Variants in EYA2 observed in about 807,000 individuals in gnomAD.
The protein encoded by EYA2 is protein phosphatase EYA2.
In EYA2, 31 loss-of-function variants were observed where a neutral mutation model predicts 69.2. That is an observed-to-expected ratio of 0.45 (90% CI 0.34 to 0.60). The LOEUF (loss-of-function observed/expected upper bound fraction) is 0.60. EYA2 is among the 20% of genes least tolerant of loss of function. The probability of loss-of-function intolerance (pLI) is 0.02; values close to 1 mark genes in which losing one functional copy is unlikely to be tolerated. For missense variants in EYA2, 622 were observed against 701.2 expected (o/e 0.89, Z 1.28); for synonymous variants, 257 against 279.4 (o/e 0.92, Z 0.80).
chr20:47,142,497 A>G (rs1040521664), intron 9 of EYA2, among the ~76,000 whole-genome samples: 3 of 152,232 alleles, frequency 2.0e-5, no homozygotes, highest in African/African-American at 7.2e-5. Flanking sequence ...TTTCCCTCCT[A>G]TGAATGTACC....
intron 12 of EYA2, among the ~76,000 whole-genome samples, chr20:47,173,529 A>C (rs1008187536): frequency 6.7e-6 from 1 of 149,506 alleles, no homozygotes; most frequent in East Asian, 2.0e-4. Flanking sequence ...AAAAAAAAAA[A>C]AAACGTGCAG....
rs772941138 is a variant in EYA2 at position 47,072,159 on chromosome 20, T to G, written c.416-26T>G. ...AGAAAAAAAGACAAGAACCCTAACC[T>G]GTACCCCTGTTCCTCCTTCCCACAG... On this transcript the variant is annotated intron_variant, in intron 5 of 15. Coordinates refer to ENST00000327619, the MANE Select transcript of EYA2 (RefSeq NM_005244.5). The G allele has an allele frequency of 5.0e-6, 8 of 1,604,558 alleles. No homozygotes were observed. The South Asian group carries it at 6.6e-5, about 13-fold the overall frequency.
At chr20:47,083,959 G>A (rs2031809687) in intron 7 of EYA2, among the ~76,000 whole-genome samples, 1 of 152,060 alleles carries the variant, frequency 6.6e-6, no homozygotes, top group African/African-American at 2.4e-5. Flanking sequence ...TAAAGAAATG[G>A]GCAGGGCCAG....
chr20:47,069,051 C>T (rs994411432), intron 5 of EYA2, among the ~76,000 whole-genome samples: 1 of 152,184 alleles, frequency 6.6e-6, no homozygotes, highest in Non-Finnish European at 1.5e-5. Flanking sequence ...CTTAATCTGG[C>T]CTCATCTTAT....
chr20:46,901,849 C>T (rs1381880982), intron 1 of EYA2: 4 of 152,200 alleles, frequency 2.6e-5, no homozygotes, highest in African/African-American at 9.7e-5. Flanking sequence ...TTAGCCCCGT[C>T]CAGACATGAA....
chr20:46,962,991 T>C (rs1979562469), intron 1 of EYA2, among the ~76,000 whole-genome samples: 1 of 152,216 alleles, frequency 6.6e-6, no homozygotes, highest in African/African-American at 2.4e-5. Flanking sequence ...GGAGTGGGTG[T>C]ATAAATACCA....
At chr20:47,018,489 A>G (rs1356742722) in intron 5 of EYA2, among the ~76,000 whole-genome samples, 1 of 152,224 alleles carries the variant, frequency 6.6e-6, no homozygotes, top group Non-Finnish European at 1.5e-5. Flanking sequence ...ACATGGTGGC[A>G]TGCTGGACCG....
At chr20:47,126,491 G>A (rs1176460541) in intron 9 of EYA2, among the ~76,000 whole-genome samples, 1 of 152,204 alleles carries the variant, frequency 6.6e-6, no homozygotes, top group Admixed American at 6.5e-5. Flanking sequence ...TCTGGCTGCA[G>A]GAGTCAGTCC....
chr20:47,172,016 T>C (rs2034331140), intron 11 of EYA2, among the ~76,000 whole-genome samples: 1 of 151,832 alleles, frequency 6.6e-6, no homozygotes, highest in African/African-American at 2.4e-5. Flanking sequence ...GGAGAATCAC[T>C]TGAACCTGGG....
chr20:46,931,514 A>G (rs1985665421), intron 1 of EYA2, among the ~76,000 whole-genome samples: 1 of 152,180 alleles, frequency 6.6e-6, no homozygotes, highest in Admixed American at 6.5e-5. Flanking sequence ...AAATGGAACT[A>G]ATGATTATAC....
intron 1 of EYA2, among the ~76,000 whole-genome samples, chr20:46,902,599 C>T (rs1984165891): frequency 6.6e-6 from 1 of 152,186 alleles, no homozygotes; most frequent in Non-Finnish European, 1.5e-5. Flanking sequence ...CATCTGTCTG[C>T]CCTGGAGAGC....
intron 7 of EYA2, among the ~76,000 whole-genome samples, chr20:47,080,924 G>A (rs1363974564): frequency 6.6e-6 from 1 of 152,214 alleles, no homozygotes; most frequent in African/African-American, 2.4e-5. Context: ...CTGAAGTGCA[G>A]TGGTACGATC....
Position 46,909,604 on chromosome 20 carries a change from A to T in EYA2, c.-11+14617A>T, listed in dbSNP as rs531193827. Among the ~76,000 whole-genome samples the T allele has an allele frequency of 3.9e-5, 6 of 152,362 alleles. No homozygotes were observed. In the South Asian group the frequency reaches 1.2e-3, roughly 32 times the overall value. On this transcript the variant is annotated intron_variant, in intron 1 of 15. Coordinates refer to ENST00000327619, the MANE Select transcript of EYA2 (RefSeq NM_005244.5). ...GAAAAGTTCGAGGAGGGCTGGTTTC[A>T]GGTACAGCTGGTTCAAGAGCTCAGA...
intron 1 of EYA2, among the ~76,000 whole-genome samples, chr20:46,959,452 C>T (rs2146286041): frequency 6.6e-6 from 1 of 152,322 alleles, no homozygotes; most frequent in African/African-American, 2.4e-5. Flanking sequence ...GCCAAGTGTT[C>T]TCTGTGGCAG....
At chr20:46,948,493 C>T (rs1053568090) in intron 1 of EYA2, among the ~76,000 whole-genome samples, 1 of 152,144 alleles carries the variant, frequency 6.6e-6, no homozygotes, top group African/African-American at 2.4e-5. Context: ...AGTTTGAAAA[C>T]CCCAAGTGAC....
intron 12 of EYA2, among the ~76,000 whole-genome samples, chr20:47,175,350 G>A (rs6066223): frequency 0.39 from 59,451 of 152,062 alleles, 12,495 homozygotes; most frequent in Non-Finnish European, 0.48. Context: ...GGCAGGGGTT[G>A]AAATCAGGGG....
chr20:47,173,514 A>AAAAAG (rs2034368482), intron 12 of EYA2, among the ~76,000 whole-genome samples: 3 of 148,946 alleles, frequency 2.0e-5, no homozygotes, highest in South Asian at 2.1e-4. Context: ...CCCCGTAAAA[A>AAAAAG]AAAAAAAAAA....
At chr20:47,129,189 A>C (rs922813035) in intron 9 of EYA2, among the ~76,000 whole-genome samples, 4 of 152,216 alleles carry the variant, frequency 2.6e-5, no homozygotes, top group African/African-American at 9.6e-5. Flanking sequence ...TGAGGGACAC[A>C]GTAATAGCTC....
chr20:46,925,026 G>A (rs928885409), intron 1 of EYA2, among the ~76,000 whole-genome samples: 22 of 152,138 alleles, frequency 1.4e-4, no homozygotes, highest in African/African-American at 5.1e-4. Flanking sequence ...GGCTTTGGTG[G>A]TGGCCATCCG....
Sources: allele counts gnomAD v4.1 joint callset (sites outside exome capture counted in the v4.1 genomes callset), GRCh38; gene constraint gnomAD v4.1.1; transcripts MANE v1.5; gene names NCBI Gene and HGNC (gene_info 2026-07-23, HGNC 2026-07-21).